Variants in HMCN1 observed in about 807,000 individuals in gnomAD.
HMCN1 encodes hemicentin 1, also known as hemicentin-1.
In HMCN1, 321 loss-of-function variants were observed where a neutral mutation model predicts 625.9. The observed-to-expected ratio is 0.51, with a 90% CI of 0.47 to 0.56. HMCN1 has a LOEUF of 0.56. Among genes scored for constraint, HMCN1 ranks in the 20% least tolerant of loss-of-function variants. The pLI, the probability that HMCN1 is intolerant of heterozygous loss-of-function variation, is 0.00. For synonymous variants in HMCN1, 2,425 were observed against 2,417.6 expected (o/e 1.00, Z -0.09); for missense variants, 6,588 against 6,887.3 (o/e 0.96, Z 1.54).
At chr1:186,116,188 A>G (rs1661126302) in intron 75 of HMCN1, among the ~76,000 whole-genome samples, 1 of 152,170 alleles carries the variant, frequency 6.6e-6, no homozygotes, top group African/African-American at 2.4e-5. Context: ...TTGAAAGTAT[A>G]CACTGTATGG....
intron 30 of HMCN1, among the ~76,000 whole-genome samples, chr1:186,011,446 T>A (rs144681310): frequency 1.0e-3 from 158 of 152,376 alleles, no homozygotes; most frequent in African/African-American, 3.5e-3. Context: ...AGGCATATTA[T>A]TTTAATTGTG....
chr1:185,844,117 C>T (rs1661659928), intron 1 of HMCN1, among the ~76,000 whole-genome samples: 1 of 152,136 alleles, frequency 6.6e-6, no homozygotes, highest in Non-Finnish European at 1.5e-5. Flanking sequence ...CTTGACAATG[C>T]TACTGACAAT....
chr1:185,984,040 A>C, intron 18 of HMCN1, 129 bp from the exon 19 acceptor site: 2 of 683,226 alleles, frequency 2.9e-6, no homozygotes, highest in Non-Finnish European at 5.0e-6. Context: ...TCTTCACTTA[A>C]GGACATTAGA....
In HMCN1 at chr1:185,883,879, ATTTTTTTTT is replaced by A. The variant is rs1205211897; in HGVS notation, c.621+18034_621+18042del. On this transcript the variant is annotated intron_variant, in intron 4 of 106. Coordinates refer to ENST00000271588, the MANE Select transcript of HMCN1 (RefSeq NM_031935.3). ...AATCAATTAATAGATATAGGTCATG[ATTTTTTTTT>A]TTTTTTTTTTTTTTTTTGCTTTTTA... Among the ~76,000 whole-genome samples the A allele has an allele frequency of 2.1e-4, 12 of 55,936 alleles. No individual in the cohort carries two copies. The East Asian group carries it at 3.7e-3, about 17-fold the overall frequency. The allele number at this position is 55,936 out of a possible 152,430, so 36.7% of individuals were successfully genotyped here.
chr1:185,862,833 T>C lies in HMCN1; in HGVS notation c.340-1637T>C, dbSNP rs73054428. On this transcript the variant is annotated intron_variant, in intron 2 of 106. Transcript: ENST00000271588. ...ACTACATCTTCTAGCCCCATGCAAT[T>C]AAGAAAGTGACCTAATATTTAATGA... is the stretch of plus-strand genomic sequence containing the variant. Among the ~76,000 whole-genome samples, 1,390 of 152,250 alleles carry C rather than the reference T, an allele frequency of 9.1e-3. 19 individuals are homozygous for C. The highest frequency in any genetic ancestry group is 0.032 in the African/African-American group (1,336 of 41,534).
At chr1:186,050,166 GA>G (rs1359595852) in intron 42 of HMCN1, among the ~76,000 whole-genome samples, 2 of 150,400 alleles carry the variant, frequency 1.3e-5, no homozygotes, top group Admixed American at 6.6e-5. Context: ...GTAAAGATGA[GA>G]AAAAAAAGAG....
At chr1:186,088,559 G>A (rs750928217) in intron 62 of HMCN1, 47 bp from the exon 63 acceptor site, 11 of 1,589,652 alleles carry the variant, frequency 6.9e-6, no homozygotes, top group Non-Finnish European at 9.4e-6. Context: ...AGATGTTAAA[G>A]TTTAAAGGTT....
chr1:185,876,096 A>G (rs928138564), intron 4 of HMCN1, among the ~76,000 whole-genome samples: 1 of 151,912 alleles, frequency 6.6e-6, no homozygotes, highest in Non-Finnish European at 1.5e-5. Context: ...CTCAGTGTCT[A>G]TTATTCCCCT....
chr1:186,126,658 C>G (rs977652850), intron 82 of HMCN1, among the ~76,000 whole-genome samples: 1 of 152,002 alleles, frequency 6.6e-6, no homozygotes, highest in South Asian at 2.1e-4. Flanking sequence ...GAGCAAAGAA[C>G]TTGAGGTGGA....
At chr1:185,947,068 G>GC (rs1668385674) in intron 11 of HMCN1, among the ~76,000 whole-genome samples, 2 of 152,174 alleles carry the variant, frequency 1.3e-5, no homozygotes, top group Non-Finnish European at 2.9e-5. Context: ...GGCAGGGGTT[G>GC]TGGGGGGCGG....
intron 41 of HMCN1, among the ~76,000 whole-genome samples, chr1:186,047,127 G>A (rs1244227215): frequency 6.6e-6 from 1 of 152,112 alleles, no homozygotes; most frequent in African/African-American, 2.4e-5. Context: ...GTGAAAGGGA[G>A]CATGAAGGAG....
chr1:186,126,358 G>A (rs1367297286), intron 82 of HMCN1, among the ~76,000 whole-genome samples: 2 of 151,924 alleles, frequency 1.3e-5, no homozygotes, highest in Non-Finnish European at 2.9e-5. Flanking sequence ...ATACATCAGG[G>A]AACAAAAGAA....
chr1:185,911,724 A>G lies in HMCN1; in HGVS notation c.844A>G (p.Asn282Asp). The G allele has an allele frequency of 2.5e-6, 4 of 1,613,642 alleles. No individual in the cohort carries two copies. The highest frequency in any genetic ancestry group is 3.4e-6 in the Non-Finnish European group (4 of 1,179,634). ...FGLHELLNIH[N>D]SAKVVNVKEP... The stretch of plus-strand genomic sequence containing the variant: ...CCTGCATGAGCTATTAAATATCCAT[A>G]ACTCTGCCAAAGTAGTGAATGTGAA... Residue 282 changes from asparagine (N) to aspartate (D), a missense_variant, in exon 6 of 107, where the codon AAC (asparagine) becomes GAC (aspartate). By Grantham distance (23) the Asn-to-Asp change is conservative. Around this residue, in one of 3 missense-constraint regions of HMCN1, gnomAD observed 4,628 missense variants for 4,853.1 expected, o/e 0.95. Coordinates refer to ENST00000271588, the MANE Select transcript of HMCN1 (RefSeq NM_031935.3).
In HMCN1 at chr1:185,735,046, A is replaced by C. The variant is rs763601734; in HGVS notation, c.267A>C (p.Pro89=). The stretch of plus-strand genomic sequence containing the variant: ...TTGCGTTGGTGCCTTTCCATGATCC[A>C]GGTAAGGGAAATATTTATACTTTGT... ...FNFALVPFHD[P]EIGPVTITTD... is the part of the protein sequence containing the mutation. Residue 89 remains proline (P), a splice_region_variant and synonymous_variant, in exon 1 of 107, where the codon CCA becomes CCC. Coordinates refer to ENST00000271588, the MANE Select transcript of HMCN1 (RefSeq NM_031935.3). 1 of 1,613,828 alleles carries C rather than the reference A, an allele frequency of 6.2e-7. No individual in the cohort carries two copies. Among genetic ancestry groups the C allele is most frequent in the South Asian group, 1.1e-5 (1 of 91,084 alleles).
At chr1:186,181,607 G>A (rs578172437) in intron 104 of HMCN1, among the ~76,000 whole-genome samples, 110 of 152,168 alleles carry the variant, frequency 7.2e-4, no homozygotes, top group Admixed American at 1.2e-3. Flanking sequence ...TCATTAGTAC[G>A]TTTGAATTGT....
Position 185,933,933 on chromosome 1 carries a change from A to G in HMCN1, c.1828+109A>G, listed in dbSNP as rs181212615. On this transcript the variant is annotated intron_variant, in intron 11 of 106. Transcript: ENST00000271588. ...GAGAGTGAGAGTATCTACCCAAATA[A>G]TTACAGTTTTAAGTGATAGAATGCT... is the stretch of plus-strand genomic sequence containing the variant. 14 of 925,786 alleles carry G rather than the reference A, an allele frequency of 1.5e-5. No individual in the cohort carries two copies. In the East Asian group the frequency reaches 2.1e-4, roughly 14 times the overall value. The allele number at this position is 925,786 out of a possible 1,614,324, so 57.3% of individuals were successfully genotyped here. A position where few individuals can be genotyped will look rare whatever the true frequency, so the allele number is the denominator to read the frequency against.
In HMCN1 at chr1:186,117,538, G is replaced by A. The variant is rs142946901; in HGVS notation, c.11763G>A (p.Ser3921=). The stretch of plus-strand genomic sequence containing the variant: ...CAGCAGTAATTACCTGCACTGCTTC[G>A]GGAGTTCCATTTCCCTCAATTCACT... The part of the protein sequence containing the change: ...HAPAVITCTA[S]GVPFPSIHWT... Residue 3921 remains serine (S), a synonymous_variant, in exon 77 of 107, where the codon TCG becomes TCA. Coordinates refer to ENST00000271588, the MANE Select transcript of HMCN1 (RefSeq NM_031935.3). The A allele has an allele frequency of 5.6e-4, 900 of 1,613,736 alleles. 3 individuals carry two copies. The highest frequency in any genetic ancestry group is 1.2e-3 in the East Asian group (55 of 44,852).
intron 64 of HMCN1, among the ~76,000 whole-genome samples, chr1:186,092,527 T>C (rs1056794106): frequency 2.0e-5 from 3 of 152,032 alleles, no homozygotes; most frequent in African/African-American, 7.2e-5. Flanking sequence ...TTTTGATTTG[T>C]AATTAATGGT....
At chr1:185,950,227 G>A (rs1325155212) in intron 11 of HMCN1, among the ~76,000 whole-genome samples, 1 of 151,310 alleles carries the variant, frequency 6.6e-6, no homozygotes, top group Non-Finnish European at 1.5e-5. Context: ...AACAAAGAGT[G>A]AGTACAGCTG....
Sources: gnomAD v4.1 joint callset for allele counts (sites outside exome capture counted in the v4.1 genomes callset) on GRCh38, gnomAD v4.1.1 for gene constraint, gnomAD v4.1.1 regional missense constraint, MANE v1.5 for transcripts, NCBI Gene and HGNC (gene_info 2026-07-23, HGNC 2026-07-21) for gene names.